CRY1: variants seen among roughly 807,000 people sequenced by gnomAD.
CRY1 encodes cryptochrome-1.
In CRY1, 45 loss-of-function variants were observed where a neutral mutation model predicts 76.0. That is an observed-to-expected ratio of 0.59 (90% CI 0.47 to 0.76). CRY1 has a LOEUF of 0.76. Among genes scored for constraint, CRY1 ranks in the 30% least tolerant of loss-of-function variants. The pLI is 0.00. For missense variants in CRY1, 587 were observed against 716.4 expected (o/e 0.82, Z 2.06); for synonymous variants, 248 against 244.0 (o/e 1.02, Z -0.15).
At position 107,005,192 on chromosome 12, in the gene CRY1, T is replaced by G. The variant is rs1486223747; in HGVS notation, c.324A>C (p.Glu108Asp). ...IEYDSEPFGK[E>D]RDAAIKKLAT... The stretch of plus-strand genomic sequence containing the variant: ...CCAGTTTCTTAATAGCTGCGTCTCG[T>G]TCCTTTCCAAAGGGCTCAGAATCAT... The change falls in exon 3 of 13, where the codon GAA becomes GAC. Residue 108 changes from glutamate to aspartate, a missense_variant. Transcript: ENST00000008527. The G allele has an allele frequency of 6.2e-7, 1 of 1,613,736 alleles. No homozygotes were observed.
chr12:106,997,444 T>C, intron 9 of CRY1, 44 bp downstream of exon 9: 2 of 1,612,874 alleles, frequency 1.2e-6, no homozygotes, highest in Non-Finnish European at 1.7e-6. Flanking sequence ...CAAAGATAAG[T>C]ACATAAACAG....
intron 1 of CRY1, among the ~76,000 whole-genome samples, chr12:107,035,943 A>C (rs1221189965): frequency 6.6e-6 from 1 of 152,232 alleles, no homozygotes; most frequent in Non-Finnish European, 1.5e-5. Context: ...GCAGTAACAA[A>C]CAACCTCCCA....
In CRY1 at chr12:107,078,997, T is replaced by C. The variant is rs921419565; in HGVS notation, c.158+13807A>G. Among the ~76,000 whole-genome samples, 8 of 152,178 alleles carry C rather than the reference T, an allele frequency of 5.3e-5. 1 individual carries two copies. Among genetic ancestry groups the C allele is most frequent in the Admixed American group, 5.2e-4 (8 of 15,266 alleles). ...TTGATAAAGTCTCCAAACTAGTATC[T>C]TGACTCTCTCTTCTAACATTCACTC... On this transcript the variant is annotated intron_variant, in intron 1 of 12. Coordinates refer to ENST00000008527, the MANE Select transcript of CRY1 (RefSeq NM_004075.5).
intron 1 of CRY1, among the ~76,000 whole-genome samples, chr12:107,070,709 T>G (rs967380603): frequency 2.0e-5 from 3 of 148,452 alleles, no homozygotes; most frequent in Non-Finnish European, 1.5e-5. Context: ...TTTATTTATT[T>G]ATTTATTTTG....
chr12:107,018,534 C>CCAGA (rs1952520998), intron 2 of CRY1, among the ~76,000 whole-genome samples: 1 of 152,020 alleles, frequency 6.6e-6, no homozygotes, highest in South Asian at 2.1e-4. Context: ...TTGCAGTGAG[C>CCAGA]CAAGACAGCA....
intron 1 of CRY1, among the ~76,000 whole-genome samples, chr12:107,052,278 T>C (rs1952932438): frequency 6.6e-6 from 1 of 152,144 alleles, no homozygotes. Context: ...AAATCTAACG[T>C]AATTAGATTT....
At chr12:107,075,599 C>A (rs1410241203) in intron 1 of CRY1, among the ~76,000 whole-genome samples, 1 of 152,130 alleles carries the variant, frequency 6.6e-6, no homozygotes. Flanking sequence ...ATCAGCAGAA[C>A]AATACTCATT....
intron 2 of CRY1, among the ~76,000 whole-genome samples, 174 bp downstream of exon 2, chr12:107,021,910 G>A (rs1357249276): frequency 2.0e-5 from 3 of 151,832 alleles, no homozygotes; most frequent in Non-Finnish European, 4.4e-5. Flanking sequence ...TTTTCTCACT[G>A]TCTGATTTTT....
chr12:107,084,035 A>G (rs1367563042), intron 1 of CRY1, among the ~76,000 whole-genome samples: 4 of 152,130 alleles, frequency 2.6e-5, no homozygotes, highest in Non-Finnish European at 5.9e-5. Context: ...GCATTCCTAT[A>G]CACCAATAAT....
At chr12:107,031,894 A>G (rs1286338333) in intron 1 of CRY1, among the ~76,000 whole-genome samples, 5 of 152,172 alleles carry the variant, frequency 3.3e-5, no homozygotes, top group Non-Finnish European at 7.4e-5. Context: ...AAATCTGAAT[A>G]AAGTCTGGAG....
intron 1 of CRY1, among the ~76,000 whole-genome samples, chr12:107,081,731 T>C (rs1953327782): frequency 6.6e-6 from 1 of 152,072 alleles, no homozygotes; most frequent in African/African-American, 2.4e-5. Context: ...TGAATGTCTA[T>C]GTTCCCCCAA....
In CRY1 at chr12:107,088,691, A is replaced by G. The variant is rs114331616; in HGVS notation, c.158+4113T>C. On this transcript the variant is annotated intron_variant, in intron 1 of 12. Transcript: ENST00000008527. Reference sequence around the variant, plus strand: ...GGTATTTTGTTATAGCAGCTCAAACAAACTATTAATAAAACAATACTAACA... The same window carrying G: ...GGTATTTTGTTATAGCAGCTCAAACGAACTATTAATAAAACAATACTAACA... 7.5e-3 allele frequency among the ~76,000 whole-genome samples: 1,147 copies of G among 152,370 alleles called. 19 individuals are homozygous for G. Among genetic ancestry groups the G allele is most frequent in the African/African-American group, 0.024 (1,017 of 41,592 alleles).
intron 1 of CRY1, among the ~76,000 whole-genome samples, chr12:107,029,679 G>A (rs1174390314): frequency 2.7e-5 from 4 of 150,870 alleles, no homozygotes; most frequent in Non-Finnish European, 5.9e-5. Flanking sequence ...AAATGTGTTT[G>A]AAGGAGTGAT....
chr12:107,032,507 CAG>C (rs1565831489), intron 1 of CRY1, among the ~76,000 whole-genome samples: 1 of 130,764 alleles, frequency 7.6e-6, no homozygotes, highest in Non-Finnish European at 1.7e-5. Flanking sequence ...ATAACTGTTA[CAG>C]ACACACACAC....
At chr12:107,009,644 C>G (rs1952421228) in intron 2 of CRY1, among the ~76,000 whole-genome samples, 1 of 145,934 alleles carries the variant, frequency 6.9e-6, no homozygotes, top group East Asian at 1.9e-4. Context: ...TACGGTGGCT[C>G]ATACCTGTAA....
chr12:106,998,193 C>G, intron 7 of CRY1, 127 bp from the exon 8 acceptor site: 1 of 1,028,054 alleles, frequency 9.7e-7, no homozygotes, highest in African/African-American at 1.6e-5. Flanking sequence ...ATTAAACATT[C>G]CAAAGTTAGC....
At chr12:107,047,594 C>T (rs1392106752) in intron 1 of CRY1, among the ~76,000 whole-genome samples, 2 of 152,118 alleles carry the variant, frequency 1.3e-5, no homozygotes, top group Non-Finnish European at 1.5e-5. Flanking sequence ...TAAGAAGCTT[C>T]CCCCTTTGCT....
intron 1 of CRY1, among the ~76,000 whole-genome samples, chr12:107,037,393 G>A (rs1268519060): frequency 4.6e-5 from 7 of 152,088 alleles, no homozygotes; most frequent in Non-Finnish European, 8.8e-5. Context: ...TTAGCCAGGC[G>A]TGGTGGTGCG....
chr12:107,071,602 G>C (rs1008619398), intron 1 of CRY1, among the ~76,000 whole-genome samples: 2 of 152,036 alleles, frequency 1.3e-5, no homozygotes, highest in Admixed American at 6.6e-5. Flanking sequence ...TTTTTGTGGA[G>C]GTAACTCTTT....
Sources: gnomAD v4.1 joint callset for allele counts (sites outside exome capture counted in the v4.1 genomes callset) on GRCh38, gnomAD v4.1.1 for gene constraint, MANE v1.5 for transcripts, NCBI Gene and HGNC (gene_info 2026-07-23, HGNC 2026-07-21) for gene names.